Variants in KCNIP1 observed in about 807,000 individuals in gnomAD.
The protein encoded by KCNIP1 is potassium voltage-gated channel interacting protein 1.
In KCNIP1, 18 loss-of-function variants were observed where a neutral mutation model predicts 33.0. The observed-to-expected ratio is 0.55, with a 90% CI of 0.38 to 0.81. KCNIP1 has a LOEUF of 0.81. KCNIP1 is among the 30% of genes least tolerant of loss of function. KCNIP1 has a pLI of 0.00. For missense variants in KCNIP1, 238 were observed against 271.6 expected, an observed-to-expected ratio of 0.88 and a Z score of 0.87; for synonymous variants, 93 against 98.3, an observed-to-expected ratio of 0.95 and a Z score of 0.32.
At chr5:170,686,882 C>T (rs1185907181) in intron 1 of KCNIP1, among the ~76,000 whole-genome samples, 1 of 152,176 alleles carries the variant, frequency 6.6e-6, no homozygotes, top group Non-Finnish European at 1.5e-5. Context: ...ATTAAAAAGT[C>T]AGAGCCGTCT....
At chr5:170,508,651 C>T (rs1754806738) in intron 1 of KCNIP1, among the ~76,000 whole-genome samples, 1 of 152,182 alleles carries the variant, frequency 6.6e-6, no homozygotes, top group Non-Finnish European at 1.5e-5. Context: ...GTGCTTTGGT[C>T]TTTACCCATC....
intron 1 of KCNIP1, among the ~76,000 whole-genome samples, chr5:170,441,325 G>C (rs1755982113): frequency 6.6e-6 from 1 of 152,134 alleles, no homozygotes; most frequent in Non-Finnish European, 1.5e-5. Context: ...TTGTGATTCA[G>C]ATAACAGGGC....
chr5:170,560,912 T>G (rs998467425), intron 1 of KCNIP1, among the ~76,000 whole-genome samples: 6 of 152,116 alleles, frequency 3.9e-5, no homozygotes, highest in African/African-American at 1.4e-4. Context: ...AGATTCTCCC[T>G]CACTACAGGC....
intron 1 of KCNIP1, among the ~76,000 whole-genome samples, chr5:170,435,137 C>G (rs1267221055): frequency 6.6e-6 from 1 of 152,204 alleles, no homozygotes; most frequent in Non-Finnish European, 1.5e-5. Context: ...CCCAGGGAGC[C>G]GGCCCTGGCC....
intron 1 of KCNIP1, among the ~76,000 whole-genome samples, chr5:170,588,698 C>A (rs77390874): frequency 0.087 from 13,170 of 152,208 alleles, 644 homozygotes; most frequent in South Asian, 0.12. Context: ...ACCCTGGAAG[C>A]TTTATCCCAA....
chr5:170,442,272 G>C (rs187833225), intron 1 of KCNIP1, among the ~76,000 whole-genome samples: 98 of 152,318 alleles, frequency 6.4e-4, no homozygotes, highest in African/African-American at 2.2e-3. Flanking sequence ...AGGCCACATA[G>C]CTGGGAGCCT....
intron 1 of KCNIP1, among the ~76,000 whole-genome samples, chr5:170,469,651 G>C (rs1041529635): frequency 6.6e-6 from 1 of 152,148 alleles, no homozygotes; most frequent in Non-Finnish European, 1.5e-5. Flanking sequence ...AAACCCGCTA[G>C]AGGCTTCTCA....
intron 1 of KCNIP1, among the ~76,000 whole-genome samples, chr5:170,545,397 C>T (rs1756375645): frequency 6.6e-6 from 1 of 152,134 alleles, no homozygotes; most frequent in Non-Finnish European, 1.5e-5. Context: ...CTTCTTGAAT[C>T]AATGAGTTGG....
chr5:170,620,649 G>A (rs2202437), intron 1 of KCNIP1, among the ~76,000 whole-genome samples: 134,805 of 152,224 alleles, frequency 0.89, 59,782 homozygotes, highest in Middle Eastern at 0.93. Flanking sequence ...TTTTAAAGCC[G>A]TATCAGGTTG....
chr5:170,512,830 A>G (rs1754986842), intron 1 of KCNIP1, among the ~76,000 whole-genome samples: 1 of 152,126 alleles, frequency 6.6e-6, no homozygotes, highest in East Asian at 1.9e-4. Context: ...CTGGCGGATC[A>G]TGAGGTCAGG....
intron 1 of KCNIP1, among the ~76,000 whole-genome samples, chr5:170,441,507 G>T (rs968142618): frequency 1.3e-5 from 2 of 152,132 alleles, no homozygotes; most frequent in Admixed American, 6.5e-5. Context: ...TGTGGCAGGC[G>T]ATCAATGGTG....
chr5:170,587,292 G>T (rs1758025896), intron 1 of KCNIP1, among the ~76,000 whole-genome samples: 1 of 58,398 alleles, frequency 1.7e-5, no homozygotes, highest in Non-Finnish European at 4.5e-5. Flanking sequence ...GTGACTGCAG[G>T]CACCTATAGT....
At chr5:170,527,120 G>A (rs1581275106) in intron 1 of KCNIP1, among the ~76,000 whole-genome samples, 1 of 152,236 alleles carries the variant, frequency 6.6e-6, no homozygotes, top group Non-Finnish European at 1.5e-5. Flanking sequence ...GCTGGCTTGG[G>A]TGACCTTTCT....
intron 1 of KCNIP1, among the ~76,000 whole-genome samples, chr5:170,661,057 CA>C (rs1334286917): frequency 6.6e-6 from 1 of 152,216 alleles, no homozygotes; most frequent in African/African-American, 2.4e-5. Context: ...AAGATCTGTT[CA>C]GGGGCATTTG....
intron 1 of KCNIP1, among the ~76,000 whole-genome samples, chr5:170,565,341 C>T (rs1025519198): frequency 3.9e-5 from 6 of 152,136 alleles, no homozygotes; most frequent in African/African-American, 1.4e-4. Context: ...GTGACTTGCA[C>T]CTCCCGTGTT....
chr5:170,380,864 G>T (rs1581129386), intron 1 of KCNIP1, among the ~76,000 whole-genome samples: 1 of 152,232 alleles, frequency 6.6e-6, no homozygotes, highest in Non-Finnish European at 1.5e-5. Flanking sequence ...ACTGGGCCTT[G>T]TAAAATGGGT....
upstream of KCNIP1, among the ~76,000 whole-genome samples, chr5:170,502,420 G>A (rs1757431918): frequency 6.6e-6 from 1 of 152,186 alleles, no homozygotes; most frequent in Non-Finnish European, 1.5e-5. Context: ...AGGGGAAGCA[G>A]CTCTCAAGGG....
chr5:170,378,587 G>T, intron 1 of KCNIP1: 3 of 1,068,134 alleles, frequency 2.8e-6, no homozygotes, highest in Non-Finnish European at 4.1e-6. Context: ...AGCGTGGATT[G>T]GACTGGAAGA....
intron 1 of KCNIP1, among the ~76,000 whole-genome samples, chr5:170,519,709 C>T (rs1212652998): frequency 1.3e-5 from 2 of 151,988 alleles, no homozygotes; most frequent in Admixed American, 6.6e-5. Flanking sequence ...TATTATTCTC[C>T]CAAATCTTGG....
Sources: gnomAD v4.1 joint callset for allele counts (sites outside exome capture counted in the v4.1 genomes callset) on GRCh38, gnomAD v4.1.1 for gene constraint, MANE v1.5 for transcripts, NCBI Gene and HGNC (gene_info 2026-07-23, HGNC 2026-07-21) for gene names.